ANO6: variants seen among roughly 807,000 people sequenced by gnomAD.
The protein encoded by ANO6 is anoctamin 6, also known as anoctamin-6.
A neutral mutation model predicts 117.5 loss-of-function variants in ANO6; 106 were observed. That is an observed-to-expected ratio of 0.90 (90% CI 0.77 to 1.06). The LOEUF (loss-of-function observed/expected upper bound fraction) is 1.06, where lower values mean the gene tolerates loss of function less well. Ranked by LOEUF, ANO6 falls within the 50% of genes least tolerant of loss-of-function variation. ANO6 has a pLI of 0.00. For synonymous variants in ANO6, 367 were observed against 385.1 expected (o/e 0.95, Z 0.55); for missense variants, 955 against 1,121.1 (o/e 0.85, Z 2.12).
rs142653548 is a variant in ANO6 at position 45,275,068 on chromosome 12, G to A, written c.71-26946G>A. On this transcript the variant is annotated intron_variant, in intron 1 of 19. Coordinates refer to ENST00000320560, the MANE Select transcript of ANO6 (RefSeq NM_001025356.3). ...TGTAAGGACATTGATCCTGGTGCTC[G>A]ATAAGTTGTATGACTGAAGGAGTTA... Among the ~76,000 whole-genome samples the A allele has an allele frequency of 1.1e-4, 16 of 151,916 alleles. No individual in the cohort carries two copies. The East Asian group carries it at 2.3e-3, about 22-fold the overall frequency.
intron 8 of ANO6, among the ~76,000 whole-genome samples, chr12:45,363,741 G>C (rs1941616149): frequency 6.6e-6 from 1 of 152,100 alleles, no homozygotes; most frequent in Non-Finnish European, 1.5e-5. Flanking sequence ...TCCTCATATT[G>C]TTCTCATGGT....
downstream of ANO6, among the ~76,000 whole-genome samples, chr12:45,433,838 A>C (rs1239276621): frequency 6.6e-6 from 1 of 152,204 alleles, no homozygotes; most frequent in Non-Finnish European, 1.5e-5. Context: ...ATGAAGGGGA[A>C]ATCCTAGAAT....
At chr12:45,434,326 T>C (rs887711198), downstream of ANO6, among the ~76,000 whole-genome samples, 2 of 152,216 alleles carry the variant, frequency 1.3e-5, no homozygotes. Flanking sequence ...AAGAGGAAGC[T>C]GCAGGTAAGA....
intron 9 of ANO6, among the ~76,000 whole-genome samples, chr12:45,377,157 T>C (rs1942049123): frequency 6.6e-6 from 1 of 151,838 alleles, no homozygotes; most frequent in African/African-American, 2.4e-5. Context: ...TTTTTTTTTT[T>C]ACCTATAGCT....
intron 12 of ANO6, among the ~76,000 whole-genome samples, chr12:45,393,709 G>T (rs1353068407): frequency 6.6e-6 from 1 of 152,158 alleles, no homozygotes; most frequent in Non-Finnish European, 1.5e-5. Flanking sequence ...TTAAAGAAAA[G>T]AATTTTCAAC....
chr12:45,350,877 G>A, intron 7 of ANO6, 103 bp downstream of exon 7: 5 of 1,004,724 alleles, frequency 5.0e-6, no homozygotes, highest in South Asian at 2.7e-5. Flanking sequence ...AGTGAAGGGA[G>A]CTGACCCAGA....
chr12:45,251,382 T>G (rs1396213730), intron 1 of ANO6, among the ~76,000 whole-genome samples: 2 of 152,172 alleles, frequency 1.3e-5, no homozygotes, highest in Non-Finnish European at 2.9e-5. Flanking sequence ...TATTTCATAG[T>G]TTTTGCACAG....
chr12:45,280,203 C>T (rs963281345), intron 1 of ANO6, among the ~76,000 whole-genome samples: 4 of 152,220 alleles, frequency 2.6e-5, no homozygotes, highest in Admixed American at 2.6e-4. Context: ...AGATAATACG[C>T]CCATCTCTGT....
chr12:45,316,892 CAG>C (rs952974205), intron 2 of ANO6, among the ~76,000 whole-genome samples: 2 of 148,760 alleles, frequency 1.3e-5, no homozygotes, highest in Non-Finnish European at 3.0e-5. Flanking sequence ...GTATCGACCT[CAG>C]AGTTTTTTTT....
intron 8 of ANO6, among the ~76,000 whole-genome samples, chr12:45,364,146 A>T (rs1222062238): frequency 6.6e-6 from 1 of 152,174 alleles, no homozygotes; most frequent in African/African-American, 2.4e-5. Context: ...CATGGTTTTT[A>T]TGAAAAGTTA....
chr12:45,385,981 G>T (rs912775620), intron 10 of ANO6, among the ~76,000 whole-genome samples: 2 of 152,114 alleles, frequency 1.3e-5, no homozygotes, highest in African/African-American at 2.4e-5. Flanking sequence ...CCTGCTGCAG[G>T]GTCTGCAGGA....
chr12:45,319,489 T>G (rs1328125777), intron 2 of ANO6, among the ~76,000 whole-genome samples: 1 of 152,230 alleles, frequency 6.6e-6, no homozygotes, highest in Non-Finnish European at 1.5e-5. Flanking sequence ...GTGGATAAGC[T>G]TTTTGATGTG....
rs1943642982 is a variant in ANO6, at chr12:45,431,982, AT to A, written c.*2675del. The A allele has an allele frequency of 1.0e-6, 1 of 985,274 alleles. No homozygotes were observed. The highest frequency in any genetic ancestry group is 4.7e-5 in the South Asian group (1 of 21,292). The allele number at this position is 985,274 out of a possible 1,614,324, so 61.0% of individuals were successfully genotyped here. ...TTAGAAAGGGAAAGCTATCATTTTTATTTTAAAACTAAACAAGGCCATCTTA... is the reference window on the plus strand; with the variant it reads ...TTAGAAAGGGAAAGCTATCATTTTTATTTAAAACTAAACAAGGCCATCTTA... On this transcript the variant is annotated 3_prime_UTR_variant, in exon 20 of 20. Transcript: ENST00000320560.
chr12:45,304,261 T>C (rs949167865), intron 2 of ANO6, among the ~76,000 whole-genome samples: 1 of 152,192 alleles, frequency 6.6e-6, no homozygotes, highest in African/African-American at 2.4e-5. Flanking sequence ...AAGCATTATA[T>C]TTAAGCTCAG....
At chr12:45,285,498 C>A (rs562689035) in intron 1 of ANO6, among the ~76,000 whole-genome samples, 2 of 152,278 alleles carry the variant, frequency 1.3e-5, no homozygotes, top group Non-Finnish European at 2.9e-5. Flanking sequence ...AATCCCAGCA[C>A]TTTGGGAGGC....
At chr12:45,292,935 G>C in intron 1 of ANO6, 2 of 1,551,366 alleles carry the variant, frequency 1.3e-6, no homozygotes, top group Non-Finnish European at 8.7e-7. Context: ...TGTGCTGCTG[G>C]TAAGAACATG....
intron 8 of ANO6, among the ~76,000 whole-genome samples, chr12:45,358,069 A>G (rs1388225075): frequency 6.6e-6 from 1 of 152,238 alleles, no homozygotes; most frequent in Non-Finnish European, 1.5e-5. Context: ...TGGTATTATT[A>G]GACCTCTGCT....
At chr12:45,308,048 A>ATGTTTTTTT (rs1939728865) in intron 2 of ANO6, among the ~76,000 whole-genome samples, 1 of 69,296 alleles carries the variant, frequency 1.4e-5, no homozygotes, top group Non-Finnish European at 2.6e-5. Flanking sequence ...TGTGTGTGTA[A>ATGTTTTTTT]TTTTTTTTTT....
In ANO6 at chr12:45,416,539, G is replaced by T. The variant is rs185728731; in HGVS notation, c.2012-160G>T. ...TCCAGAGATTTTATATTTGTGTTTT[G>T]TTTGAATTCTTTCACTGTTGAACAC... On this transcript the variant is annotated intron_variant, in intron 16 of 19. Coordinates refer to ENST00000320560, the MANE Select transcript of ANO6 (RefSeq NM_001025356.3). 3.8e-3 allele frequency among the ~76,000 whole-genome samples: 585 copies of T among 152,244 alleles called. 3 individuals carry two copies. The highest frequency in any genetic ancestry group is 0.013 in the African/African-American group (550 of 41,542).
Sources: gnomAD v4.1 joint callset for allele counts (sites outside exome capture counted in the v4.1 genomes callset) on GRCh38, gnomAD v4.1.1 for gene constraint, MANE v1.5 for transcripts, NCBI Gene and HGNC (gene_info 2026-07-23, HGNC 2026-07-21) for gene names.